HELZ: variants seen among roughly 807,000 people sequenced by gnomAD.
HELZ encodes the protein ATP-dependent RNA helicase with zinc finger domain.
In HELZ, 23 loss-of-function variants were observed where a neutral mutation model predicts 218.2. The observed-to-expected ratio is 0.11, with a 90% CI of 0.08 to 0.15. HELZ has a LOEUF of 0.15. HELZ is among the 10% of genes least tolerant of loss of function. The pLI is 1.00. For missense variants in HELZ, 1,813 were observed against 2,353.7 expected (o/e 0.77, Z 4.75); for synonymous variants, 814 against 829.4 (o/e 0.98, Z 0.32).
intron 3 of HELZ, among the ~76,000 whole-genome samples, chr17:67,221,482 G>A (rs1227745138): frequency 2.6e-4 from 39 of 152,154 alleles, no homozygotes; most frequent in Admixed American, 2.4e-3. Flanking sequence ...AAAAGAAGTC[G>A]TAAGAAAACA....
At chr17:67,204,862 T>A (rs1425707683) in intron 5 of HELZ, among the ~76,000 whole-genome samples, 1 of 152,048 alleles carries the variant, frequency 6.6e-6, no homozygotes, top group Non-Finnish European at 1.5e-5. Flanking sequence ...ATGTCTTGAG[T>A]GTCTTATAAA....
chr17:67,160,872 A>T, intron 16 of HELZ, 25 bp downstream of exon 16: 1 of 1,540,078 alleles, frequency 6.5e-7, no homozygotes, highest in Non-Finnish European at 8.8e-7. Flanking sequence ...CCAGGGAAAT[A>T]TGAGCACGCT....
chr17:67,105,683 CT>C (rs1736858665), intron 31 of HELZ, among the ~76,000 whole-genome samples: 1 of 152,178 alleles, frequency 6.6e-6, no homozygotes, highest in Admixed American at 6.5e-5. Context: ...TGTAAAACTA[CT>C]GTTCATTATA....
At chr17:67,217,358 TCTCA>T (rs1244901458) in intron 4 of HELZ, among the ~76,000 whole-genome samples, 1 of 152,212 alleles carries the variant, frequency 6.6e-6, no homozygotes, top group Non-Finnish European at 1.5e-5. Context: ...CCTAGTTACT[TCTCA>T]CTATCTCCAC....
intron 6 of HELZ, among the ~76,000 whole-genome samples, chr17:67,201,487 A>T (rs1434854851): frequency 6.6e-6 from 1 of 152,318 alleles, no homozygotes; most frequent in South Asian, 2.1e-4. Context: ...ACAGAACAAG[A>T]CAGCATAAAT....
chr17:67,224,823 G>T, intron 3 of HELZ: 1 of 1,061,334 alleles, frequency 9.4e-7, no homozygotes. Flanking sequence ...AGGATTCTCT[G>T]TATGCCCAGG....
chr17:67,172,419 T>C (rs1484387148), intron 13 of HELZ, among the ~76,000 whole-genome samples: 15 of 152,196 alleles, frequency 9.9e-5, no homozygotes, highest in Admixed American at 5.9e-4. Context: ...GTGACTAGCA[T>C]AGAACCTAAC....
Position 67,194,050 on chromosome 17 carries a change from G to A in HELZ, c.482-8C>T, listed in dbSNP as rs1347854604. 2 of 1,598,668 alleles carry A rather than the reference G, an allele frequency of 1.3e-6. No individual in the cohort carries two copies. Among genetic ancestry groups the A allele is most frequent in the Non-Finnish European group, 1.7e-6 (2 of 1,167,244 alleles). On this transcript the variant is annotated splice_polypyrimidine_tract_variant and splice_region_variant and intron_variant, in intron 8 of 32. Transcript: ENST00000358691. ...GCCAACCATTACAAGACCCTAGGGA[G>A]TAATTAGGATATAGTCTTATCATTT...
intron 3 of HELZ, among the ~76,000 whole-genome samples, chr17:67,225,982 A>C (rs1310256925): frequency 6.6e-6 from 1 of 151,972 alleles, no homozygotes; most frequent in Non-Finnish European, 1.5e-5. Flanking sequence ...GAACTCCCTG[A>C]CGGGCGTGGT....
chr17:67,166,480 G>T lies in HELZ; in HGVS notation c.1893C>A (p.Asn631Lys). The T allele has an allele frequency of 2.5e-6, 4 of 1,611,258 alleles. No individual in the cohort carries two copies. Among genetic ancestry groups the T allele is most frequent in the Non-Finnish European group, 3.4e-6 (4 of 1,177,920 alleles). ...SMTPTIPWSP[N>K]RQWDEQLDPR... is the part of the protein sequence containing the mutation. Reference sequence around the variant, plus strand: ...AATAAGATATCGCCTTTTTGTACCTGTTAGGACTCCATGGTATGGTGGGAG... The same window carrying T: ...AATAAGATATCGCCTTTTTGTACCTTTTAGGACTCCATGGTATGGTGGGAG... The change falls in exon 15 of 33, where the codon AAC becomes AAA. Residue 631 changes from asparagine (N) to lysine (K), a missense_variant and splice_region_variant. By Grantham distance (94) the Asn-to-Lys change is moderately conservative. Around this residue, in one of 4 missense-constraint regions of HELZ, gnomAD observed 714 missense variants for 1,029.2 expected, o/e 0.69. Coordinates refer to ENST00000358691, the MANE Select transcript of HELZ (RefSeq NM_014877.4).
chr17:67,083,505 G>C (rs2143554289), intron 32 of HELZ, among the ~76,000 whole-genome samples: 1 of 152,228 alleles, frequency 6.6e-6, no homozygotes, highest in Non-Finnish European at 1.5e-5. Flanking sequence ...GCGGGCGCCT[G>C]TAATCCCAGC....
chr17:67,103,621 TG>T (rs1158875444), intron 31 of HELZ, among the ~76,000 whole-genome samples: 21 of 152,368 alleles, frequency 1.4e-4, no homozygotes, highest in Middle Eastern at 3.4e-3. Flanking sequence ...AAGATGTCCA[TG>T]TTCAGGTACT....
At chr17:67,195,309 C>T in intron 8 of HELZ, 110 bp downstream of exon 8, 1 of 639,550 alleles carries the variant, frequency 1.6e-6, no homozygotes, top group Non-Finnish European at 2.8e-6. Flanking sequence ...ATATTCTCTC[C>T]TACATCTCCA....
chr17:67,201,043 C>A (rs745584417), intron 7 of HELZ, 86 bp downstream of exon 7: 10 of 1,035,658 alleles, frequency 9.7e-6, no homozygotes, highest in Non-Finnish European at 1.5e-5. Context: ...GCTGATGCCA[C>A]AATGGTTTTC....
At chr17:67,097,792 A>G (rs775614767) in intron 31 of HELZ, among the ~76,000 whole-genome samples, 4 of 152,214 alleles carry the variant, frequency 2.6e-5, no homozygotes, top group Non-Finnish European at 4.4e-5. Context: ...GTTTGCAGTA[A>G]AAGTTTACTC....
chr17:67,079,243 C>G (rs1474623022), intron 32 of HELZ, among the ~76,000 whole-genome samples: 1 of 152,150 alleles, frequency 6.6e-6, no homozygotes, highest in East Asian at 1.9e-4. Flanking sequence ...CTTTATGTAA[C>G]ATTGTACTGG....
At chr17:67,115,540 A>G (rs1261040270) in intron 27 of HELZ, among the ~76,000 whole-genome samples, 2 of 152,088 alleles carry the variant, frequency 1.3e-5, no homozygotes, top group Non-Finnish European at 2.9e-5. Context: ...CAGTATAAAA[A>G]GAAAATCTAT....
At position 67,201,151 on chromosome 17, in the gene HELZ, T is replaced by G. The variant is rs779590399; in HGVS notation, c.407A>C (p.Lys136Thr). 2 of 1,610,140 alleles carry G rather than the reference T, an allele frequency of 1.2e-6. No individual in the cohort carries two copies. Among genetic ancestry groups the G allele is most frequent in the Non-Finnish European group, 1.7e-6 (2 of 1,176,326 alleles). Residue 136 changes from lysine (K) to threonine (T), a missense_variant, in exon 7 of 33, where the codon AAA (lysine) becomes ACA (threonine). Physicochemically the swap from Lys to Thr is moderately conservative, Grantham distance 78. Transcript: ENST00000358691. ...GMVTKDLTRL[K>T]TLLSETETAT... ...TACCTCTGTTTCTGAGAGAAGTGTT[T>G]TTAGTCTTGTCAAATCCTTTGTTAC...
At chr17:67,132,848 T>C (rs1171695774) in intron 23 of HELZ, among the ~76,000 whole-genome samples, 1 of 152,212 alleles carries the variant, frequency 6.6e-6, no homozygotes, top group African/African-American at 2.4e-5. Context: ...CTTAAAAACT[T>C]GATTGATATT....
Sources: allele counts gnomAD v4.1 joint callset (sites outside exome capture counted in the v4.1 genomes callset), GRCh38; gene constraint gnomAD v4.1.1; regional missense constraint gnomAD v4.1.1; transcripts MANE v1.5; gene names NCBI Gene and HGNC (gene_info 2026-07-23, HGNC 2026-07-21).